Variants in DSE observed in about 807,000 individuals in gnomAD.
DSE encodes the protein dermatan sulfate epimerase, also known as dermatan-sulfate epimerase.
Under a neutral mutation model 84.4 loss-of-function variants are expected in DSE, and 36 were observed. The observed-to-expected ratio is 0.43, with a 90% CI of 0.33 to 0.56. The LOEUF is 0.56. Ranked by LOEUF, DSE falls within the 20% of genes least tolerant of loss-of-function variation. DSE has a pLI of 0.06. For missense variants in DSE, 862 were observed against 1,169.6 expected (o/e 0.74, Z 3.84); for synonymous variants, 410 against 430.1 (o/e 0.95, Z 0.58).
intron 2 of DSE, among the ~76,000 whole-genome samples, chr6:116,414,178 A>G (rs1479945576): frequency 6.6e-6 from 1 of 152,168 alleles, no homozygotes; most frequent in Non-Finnish European, 1.5e-5. Context: ...TCTGGAAGCT[A>G]GAAGTCTGAA....
At chr6:116,308,058 A>G (rs1247457842) in intron 2 of DSE, among the ~76,000 whole-genome samples, 2 of 152,172 alleles carry the variant, frequency 1.3e-5, no homozygotes. Context: ...TACCATCACC[A>G]TCCTGTGTTC....
intron 2 of DSE, among the ~76,000 whole-genome samples, chr6:116,359,855 C>T (rs1203172590): frequency 6.6e-6 from 1 of 152,170 alleles, no homozygotes; most frequent in Non-Finnish European, 1.5e-5. Flanking sequence ...CATCTGTTGA[C>T]TTGTGAGGCA....
Position 116,402,561 on chromosome 6 carries a change from AATG to A in DSE, c.416+2896_416+2898del. Among the ~76,000 whole-genome samples the A allele has an allele frequency of 1.3e-5, 2 of 152,174 alleles. 1 individual carries two copies. The highest frequency in any genetic ancestry group is 3.8e-4 in the East Asian group (2 of 5,196). On this transcript the variant is annotated intron_variant, in intron 2 of 5. Coordinates refer to ENST00000644252, the MANE Select transcript of DSE (RefSeq NM_013352.4). ...CTCAGTAAATGAGAATAATGACAAT[AATG>A]GTAATTATTGATGCTGTTCTTTTAC...
chr6:116,254,888 C>T (rs1039357934), intron 1 of DSE: 6 of 152,342 alleles, frequency 3.9e-5, no homozygotes, highest in Non-Finnish European at 8.8e-5. Context: ...TGCCTGTGGA[C>T]ATGAAGCTAA....
At chr6:116,266,465 T>A (rs1384872449) in intron 2 of DSE, among the ~76,000 whole-genome samples, 2 of 152,186 alleles carry the variant, frequency 1.3e-5, no homozygotes, top group East Asian at 3.8e-4. Flanking sequence ...AGAAGCATAC[T>A]GTTATTAGTA....
At chr6:116,276,357 A>C (rs568831648) in intron 2 of DSE, among the ~76,000 whole-genome samples, 48 of 152,340 alleles carry the variant, frequency 3.2e-4, no homozygotes, top group African/African-American at 1.2e-3. Context: ...ACAGAAATGG[A>C]GGATTTGAGC....
intron 2 of DSE, chr6:116,278,282 A>C: frequency 1.8e-6 from 1 of 542,902 alleles, no homozygotes; most frequent in Non-Finnish European, 3.3e-6. Flanking sequence ...GTGAAGGATG[A>C]CCTCGTAGCA....
At chr6:116,424,629 C>T (rs936288619) in intron 2 of DSE, among the ~76,000 whole-genome samples, 6 of 151,832 alleles carry the variant, frequency 4.0e-5, no homozygotes, top group Admixed American at 2.0e-4. Context: ...GATCCAATTG[C>T]GAATACAATA....
upstream of DSE, chr6:116,370,803 C>A: frequency 2.0e-6 from 2 of 983,438 alleles, no homozygotes; most frequent in Non-Finnish European, 2.4e-6. Context: ...GAGGGGGTCC[C>A]CGTTTCCCTC....
intron 2 of DSE, among the ~76,000 whole-genome samples, chr6:116,302,345 G>A (rs1483432646): frequency 1.3e-5 from 2 of 152,164 alleles, no homozygotes; most frequent in African/African-American, 4.8e-5. Context: ...GCGTGAGGTG[G>A]TATCTCATTG....
chr6:116,304,310 T>A (rs1402209780), intron 2 of DSE, among the ~76,000 whole-genome samples: 1 of 152,152 alleles, frequency 6.6e-6, no homozygotes, highest in Non-Finnish European at 1.5e-5. Context: ...TTTAGCCCAC[T>A]TTTCAAATAC....
At chr6:116,411,552 G>A (rs1166192253) in intron 2 of DSE, among the ~76,000 whole-genome samples, 1 of 152,158 alleles carries the variant, frequency 6.6e-6, no homozygotes, top group Non-Finnish European at 1.5e-5. Flanking sequence ...ACAACTTAGT[G>A]AGCAATTTTT....
At chr6:116,328,148 GTAGTT>G (rs1375075967) in intron 2 of DSE, among the ~76,000 whole-genome samples, 1 of 152,186 alleles carries the variant, frequency 6.6e-6, no homozygotes, top group African/African-American at 2.4e-5. Flanking sequence ...TAAGAAAGAC[GTAGTT>G]TAGTTCCTTC....
chr6:116,339,683 G>A (rs1331629536), intron 2 of DSE, among the ~76,000 whole-genome samples: 1 of 152,202 alleles, frequency 6.6e-6, no homozygotes, highest in Admixed American at 6.5e-5. Context: ...GGAGACAATG[G>A]TCAGTGGAAT....
At chr6:116,326,096 G>T (rs899446160) in intron 2 of DSE, among the ~76,000 whole-genome samples, 1 of 152,122 alleles carries the variant, frequency 6.6e-6, no homozygotes, top group African/African-American at 2.4e-5. Context: ...CAGGCCCAGG[G>T]TGTGGCGCCG....
At chr6:116,312,247 G>A (rs1404069985) in intron 2 of DSE, among the ~76,000 whole-genome samples, 2 of 152,308 alleles carry the variant, frequency 1.3e-5, no homozygotes, top group East Asian at 1.9e-4. Flanking sequence ...TTTGAGTTAT[G>A]TAATGTGCTA....
chr6:116,370,566 CT>C, upstream of DSE: 3 of 947,400 alleles, frequency 3.2e-6, no homozygotes, highest in Non-Finnish European at 3.8e-6. Flanking sequence ...GCTCCTCCCC[CT>C]GGGCCTCCAA....
intron 2 of DSE, among the ~76,000 whole-genome samples, chr6:116,268,505 T>G (rs74740910): frequency 0.01 from 1,586 of 152,344 alleles, 25 homozygotes; most frequent in African/African-American, 0.036. Flanking sequence ...ACTTAAAAAA[T>G]AATGAATTTT....
At chr6:116,327,115 ATACAG>A (rs1776669374) in intron 2 of DSE, among the ~76,000 whole-genome samples, 1 of 152,244 alleles carries the variant, frequency 6.6e-6, no homozygotes, top group Admixed American at 6.5e-5. Context: ...TTAACAGTGC[ATACAG>A]TAAAGAGAGA....
Sources: allele counts gnomAD v4.1 joint callset (sites outside exome capture counted in the v4.1 genomes callset), GRCh38; gene constraint gnomAD v4.1.1; transcripts MANE v1.5; gene names NCBI Gene and HGNC (gene_info 2026-07-23, HGNC 2026-07-21).